PNPLA8: variants seen among roughly 807,000 people sequenced by gnomAD.
PNPLA8 encodes the protein patatin like domain 8, phospholipase A2.
Under a neutral mutation model 76.9 loss-of-function variants are expected in PNPLA8, and 39 were observed. That is an observed-to-expected ratio of 0.51 (90% CI 0.39 to 0.66). The LOEUF (loss-of-function observed/expected upper bound fraction) is 0.66, where lower values mean the gene tolerates loss of function less well. PNPLA8 is among the 30% of genes least tolerant of loss of function. PNPLA8 has a pLI of 0.00. For missense variants in PNPLA8, 887 were observed against 918.0 expected, an observed-to-expected ratio of 0.97 and a Z score of 0.44; for synonymous variants, 301 against 307.9, an observed-to-expected ratio of 0.98 and a Z score of 0.24.
chr7:108,502,747 GAC>G (rs1466429321), intron 4 of PNPLA8, 105 bp from the exon 5 acceptor site: 1 of 700,288 alleles, frequency 1.4e-6, no homozygotes, highest in East Asian at 2.9e-5. Context: ...CAACCAAGGT[GAC>G]AGTGTTCATT....
chr7:108,482,433 C>T (rs2154514946), intron 9 of PNPLA8, among the ~76,000 whole-genome samples: 1 of 152,312 alleles, frequency 6.6e-6, no homozygotes, highest in African/African-American at 2.4e-5. Flanking sequence ...GATTGTGCCA[C>T]TGCACTCCGG....
chr7:108,481,526 A>G (rs575613159), intron 9 of PNPLA8, among the ~76,000 whole-genome samples: 5 of 152,188 alleles, frequency 3.3e-5, no homozygotes, highest in Non-Finnish European at 7.3e-5. Flanking sequence ...TGTCTGTTCA[A>G]GTCTTTGGCT....
At chr7:108,477,826 C>T (rs1017752252) in intron 10 of PNPLA8, among the ~76,000 whole-genome samples, 12 of 152,076 alleles carry the variant, frequency 7.9e-5, no homozygotes, top group South Asian at 2.1e-4. Flanking sequence ...ATTGTCACTG[C>T]GTTCCAGCCT....
chr7:108,522,247 T>A (rs1039658306), intron 1 of PNPLA8, among the ~76,000 whole-genome samples: 2 of 146,750 alleles, frequency 1.4e-5, no homozygotes, highest in Non-Finnish European at 3.0e-5. Flanking sequence ...TGAGCCAAGA[T>A]CCTGCCACTG....
chr7:108,502,721 G>T lies in PNPLA8; in HGVS notation c.1207-79C>A, dbSNP rs565439808. ...GTATGATTATTATTAACCAATACAT[G>T]CAGTTCACCACATGACAACCAAGGT... On this transcript the variant is annotated intron_variant, in intron 4 of 10. Transcript: ENST00000257694. 1.1e-5 allele frequency: 11 copies of T among 962,850 alleles called. No individual in the cohort carries two copies. The South Asian group carries it at 1.5e-4, about 13-fold the overall frequency. The allele number at this position is 962,850 out of a possible 1,614,324, so 59.6% of individuals were successfully genotyped here.
intron 1 of PNPLA8, among the ~76,000 whole-genome samples, chr7:108,523,565 A>C (rs1273311863): frequency 1.3e-5 from 2 of 152,202 alleles, no homozygotes; most frequent in Non-Finnish European, 2.9e-5. Context: ...ATCATGACCT[A>C]CGTGGCTAAT....
chr7:108,497,411 A>C, intron 6 of PNPLA8, 72 bp downstream of exon 6: 1 of 1,021,522 alleles, frequency 9.8e-7, no homozygotes. Context: ...CTATGATCTT[A>C]AACATAAGTG....
chr7:108,511,080 A>G (rs1199292144), intron 4 of PNPLA8: 1 of 680,562 alleles, frequency 1.5e-6, no homozygotes, highest in Non-Finnish European at 2.4e-6. Context: ...AACTAAATAC[A>G]AATAAATTAA....
intron 4 of PNPLA8, among the ~76,000 whole-genome samples, chr7:108,504,171 C>A (rs1029302772): frequency 6.6e-6 from 1 of 152,102 alleles, no homozygotes. Flanking sequence ...AAATGCCAAA[C>A]AGAAGAACAA....
chr7:108,490,641 G>C (rs550524294), intron 8 of PNPLA8, among the ~76,000 whole-genome samples: 1 of 152,060 alleles, frequency 6.6e-6, no homozygotes, highest in South Asian at 2.1e-4. Context: ...AAAATTAGCC[G>C]GGCGTGGTGG....
At chr7:108,504,583 T>C (rs1179572392) in intron 4 of PNPLA8, among the ~76,000 whole-genome samples, 2 of 152,216 alleles carry the variant, frequency 1.3e-5, no homozygotes, top group African/African-American at 4.8e-5. Flanking sequence ...AATCCCACCA[T>C]GTTTTTCTCT....
In PNPLA8 at chr7:108,496,699, C is replaced by T. The variant is rs1861573033; in HGVS notation, c.1510G>A (p.Glu504Lys). The change falls in exon 7 of 11, where the codon GAA becomes AAA. Residue 504 changes from glutamate (E) to lysine (K), a missense_variant. Physicochemically the swap from Glu to Lys is moderately conservative, Grantham distance 56 (BLOSUM62 1). Coordinates refer to ENST00000257694, the MANE Select transcript of PNPLA8 (RefSeq NM_001256007.3). Reference sequence around the variant, plus strand: ...TCTGATCCTAATTTTCGATAAAGTTCCTCACATTCATCCAAGGGCATATGA... The same window carrying T: ...TCTGATCCTAATTTTCGATAAAGTTTCTCACATTCATCCAAGGGCATATGA... ...LFHMPLDECE[E>K]LYRKLGSDVF... 2 of 1,611,324 alleles carry T rather than the reference C, an allele frequency of 1.2e-6. No homozygotes were observed. Among genetic ancestry groups the T allele is most frequent in the Non-Finnish European group, 8.5e-7 (1 of 1,178,714 alleles).
chr7:108,494,550 A>T (rs61520649), intron 7 of PNPLA8, among the ~76,000 whole-genome samples: 1 of 152,112 alleles, frequency 6.6e-6, no homozygotes, highest in African/African-American at 2.4e-5. Context: ...ATTTTTTTTT[A>T]TAACTGCATA....
At chr7:108,499,610 C>A (rs1861801159) in intron 5 of PNPLA8, among the ~76,000 whole-genome samples, 1 of 152,158 alleles carries the variant, frequency 6.6e-6, no homozygotes, top group Admixed American at 6.5e-5. Flanking sequence ...TGTTTAGTCA[C>A]AACTGTCCTC....
Position 108,479,273 on chromosome 7 carries a change from C to G in PNPLA8, c.1985G>C (p.Arg662Pro), listed in dbSNP as rs773861478. The G allele has an allele frequency of 6.2e-7, 1 of 1,612,466 alleles. No homozygotes were observed. Among genetic ancestry groups the G allele is most frequent in the Non-Finnish European group, 8.5e-7 (1 of 1,178,588 alleles). ...CGTGTTTCTCACATCACTCTCATAA[C>G]GTCCAGTGCCCAGGGATACTATGCA... The part of the protein sequence containing the change: ...LECIVSLGTG[R>P]YESDVRNTVT... Residue 662 changes from arginine to proline, a missense_variant, in exon 10 of 11, where the codon CGT becomes CCT. By Grantham distance (103) the Arg-to-Pro change is moderately radical. Coordinates refer to ENST00000257694, the MANE Select transcript of PNPLA8 (RefSeq NM_001256007.3).
intron 10 of PNPLA8, among the ~76,000 whole-genome samples, chr7:108,473,554 T>C (rs1219529879): frequency 6.6e-6 from 1 of 152,232 alleles, no homozygotes; most frequent in East Asian, 1.9e-4. Context: ...TCTACATCTT[T>C]GCCCAAAGTT....
chr7:108,517,051 T>A (rs558845826), intron 2 of PNPLA8, among the ~76,000 whole-genome samples: 1 of 152,268 alleles, frequency 6.6e-6, no homozygotes, highest in South Asian at 2.1e-4. Context: ...AAAGAACTCT[T>A]AAAGCTCGAC....
At chr7:108,492,280 A>C (rs1444930781) in intron 7 of PNPLA8, among the ~76,000 whole-genome samples, 1 of 152,188 alleles carries the variant, frequency 6.6e-6, no homozygotes, top group Non-Finnish European at 1.5e-5. Flanking sequence ...ACCCTTTATA[A>C]GCTTTAATAA....
intron 5 of PNPLA8, 67 bp from the exon 6 acceptor site, chr7:108,497,644 T>A: frequency 1.3e-6 from 1 of 766,948 alleles, no homozygotes; most frequent in Non-Finnish European, 2.0e-6. Flanking sequence ...AGCTGTTGAA[T>A]AAAACAATCT....
Sources: gnomAD v4.1 joint callset for allele counts (sites outside exome capture counted in the v4.1 genomes callset) on GRCh38, gnomAD v4.1.1 for gene constraint, MANE v1.5 for transcripts, NCBI Gene and HGNC (gene_info 2026-07-23, HGNC 2026-07-21) for gene names.